HGF: variants seen among roughly 807,000 people sequenced by gnomAD.
HGF encodes the protein fibroblast-derived tumor cytotoxic factor.
A neutral mutation model predicts 111.6 loss-of-function variants in HGF; 39 were observed. That is an observed-to-expected ratio of 0.35 (90% CI 0.27 to 0.46). HGF has a LOEUF of 0.46. Ranked by LOEUF, HGF falls within the 20% of genes least tolerant of loss-of-function variation. The probability of loss-of-function intolerance (pLI) is 1.00; values close to 1 mark genes in which losing one functional copy is unlikely to be tolerated. For missense variants in HGF, 735 were observed against 910.5 expected (o/e 0.81, Z 2.48); for synonymous variants, 285 against 294.8 (o/e 0.97, Z 0.34).
intron 7 of HGF, among the ~76,000 whole-genome samples, chr7:81,733,162 G>C (rs1027570159): frequency 2.6e-5 from 4 of 151,756 alleles, no homozygotes; most frequent in Admixed American, 2.0e-4. Context: ...TAAAAAGTAT[G>C]TAAAATCATT....
rs1233097855 is a variant in HGF at position 81,701,586 on chromosome 7, ACTT to A, written c.*992_*994del. The A allele has an allele frequency of 6.6e-6, 1 of 151,564 alleles. No homozygotes were observed. The highest frequency in any genetic ancestry group is 1.5e-5 in the Non-Finnish European group (1 of 67,652). The allele number at this position is 151,564 out of a possible 1,614,324, so 9.4% of individuals were successfully genotyped here. On this transcript the variant is annotated 3_prime_UTR_variant, in exon 18 of 18. Transcript: ENST00000222390. Reference sequence around the variant, plus strand: ...TTTTTAATGACCAAAACACTTTTAAACTTCTTCAATTAGATACTGATCTGAGCA... The same window carrying A: ...TTTTTAATGACCAAAACACTTTTAAACTTCAATTAGATACTGATCTGAGCA...
At chr7:81,769,759 A>G (rs568461103) in intron 1 of HGF, 125 bp downstream of exon 1, 44 of 743,464 alleles carry the variant, frequency 5.9e-5, no homozygotes, top group Admixed American at 1.6e-4. Context: ...AGAAACCTAT[A>G]CTACATACTG....
intron 9 of HGF, among the ~76,000 whole-genome samples, chr7:81,725,379 A>G (rs945808867): frequency 6.6e-6 from 1 of 152,156 alleles, no homozygotes; most frequent in African/African-American, 2.4e-5. Flanking sequence ...TTCTTTATCT[A>G]GAATACTCTT....
intron 9 of HGF, among the ~76,000 whole-genome samples, chr7:81,725,569 G>A (rs1344582904): frequency 6.6e-6 from 1 of 152,062 alleles, no homozygotes; most frequent in Non-Finnish European, 1.5e-5. Flanking sequence ...ACAAACTACT[G>A]TAATATTCCC....
chr7:81,716,459 A>T (rs1212895328), intron 11 of HGF, among the ~76,000 whole-genome samples: 1 of 152,094 alleles, frequency 6.6e-6, no homozygotes, highest in Non-Finnish European at 1.5e-5. Flanking sequence ...TTATTTGCCA[A>T]CCTGACAGGT....
rs561644775 is a variant in HGF at position 81,762,378 on chromosome 7, A to T, written c.254+329T>A. On this transcript the variant is annotated intron_variant, in intron 2 of 17. Transcript: ENST00000222390. ...CTCCATTCCTCTTGCAAGGAAAAAA[A>T]AAGTTACTCTGAATAGATATTTTAA... 2.0e-5 allele frequency among the ~76,000 whole-genome samples: 3 copies of T among 152,346 alleles called. No individual in the cohort carries two copies. In the East Asian group the frequency reaches 5.8e-4, roughly 29 times the overall value.
At chr7:81,734,379 A>G (rs1385931271) in intron 7 of HGF, among the ~76,000 whole-genome samples, 1 of 152,168 alleles carries the variant, frequency 6.6e-6, no homozygotes, top group African/African-American at 2.4e-5. Context: ...AAATGCTTTA[A>G]GTAAAACAAC....
chr7:81,723,836 A>C (rs1462535440), intron 9 of HGF, among the ~76,000 whole-genome samples: 1 of 151,218 alleles, frequency 6.6e-6, no homozygotes, highest in Non-Finnish European at 1.5e-5. Flanking sequence ...ATATATATAC[A>C]CATATATATA....
At chr7:81,707,394 A>T in intron 13 of HGF, 30 bp from the exon 14 acceptor site, 1 of 1,334,410 alleles carries the variant, frequency 7.5e-7, no homozygotes, top group Non-Finnish European at 1.1e-6. Context: ...GAAACAAGTA[A>T]CATCTGTGCA....
At chr7:81,718,404 G>A (rs1339358531) in intron 10 of HGF, among the ~76,000 whole-genome samples, 1 of 152,112 alleles carries the variant, frequency 6.6e-6, no homozygotes, top group Admixed American at 6.6e-5. Flanking sequence ...AAACTAATTG[G>A]TGTAATGTCA....
rs1788906721 is a variant in HGF, at chr7:81,758,694, T to C, written c.365A>G (p.Lys122Arg). 1 of 1,561,742 alleles carries C rather than the reference T, an allele frequency of 6.4e-7. No homozygotes were observed. The highest frequency in any genetic ancestry group is 8.8e-7 in the Non-Finnish European group (1 of 1,132,960). The change falls in exon 3 of 18, where the codon AAA (lysine) becomes AGA (arginine). Residue 122 changes from lysine to arginine, a missense_variant and splice_region_variant. Physicochemically the swap from Lys to Arg is conservative, Grantham distance 26. This residue lies in a region of HGF where 553 missense variants were observed against 685.6 expected (regional missense o/e 0.81). Coordinates refer to ENST00000222390, the MANE Select transcript of HGF (RefSeq NM_000601.6). ...FGHEFDLYENKDYIRNCIIGK... is the reference protein window; with the variant it reads ...FGHEFDLYENRDYIRNCIIGK... ...ATATTTAGGGAGAAGTCAGTTACCT[T>C]TGTTTTCATAGAGGTCAAATTCATG... is the stretch of plus-strand genomic sequence containing the variant.
At chr7:81,705,942 G>A (rs1324337762) in intron 15 of HGF, among the ~76,000 whole-genome samples, 189 bp from the exon 16 acceptor site, 1 of 150,016 alleles carries the variant, frequency 6.7e-6, no homozygotes, top group African/African-American at 2.4e-5. Flanking sequence ...AAAGAAATGA[G>A]TCATGTATTT....
chr7:81,702,774 C>CA lies in HGF; in HGVS notation c.2011-18dup. Reference sequence around the variant, plus strand: ...ATAATCCCCCTAGGAGTAAGACATACAAAAACAAAGTATTATTAGGAATTA... The same window carrying CA: ...ATAATCCCCCTAGGAGTAAGACATACAAAAAACAAAGTATTATTAGGAATTA... On this transcript the variant is annotated splice_polypyrimidine_tract_variant and intron_variant, in intron 17 of 17. Coordinates refer to ENST00000222390, the MANE Select transcript of HGF (RefSeq NM_000601.6). 6.2e-7 allele frequency: 1 copy of CA among 1,603,208 alleles called. No homozygotes were observed. Among genetic ancestry groups the CA allele is most frequent in the Non-Finnish European group, 8.5e-7 (1 of 1,171,596 alleles).
chr7:81,752,301 G>A (rs370550669), intron 4 of HGF, 39 bp from the exon 5 acceptor site: 19 of 1,594,358 alleles, frequency 1.2e-5, no homozygotes, highest in African/African-American at 5.4e-5. Flanking sequence ...ATAAGAGCAT[G>A]CAACTTTTTT....
At chr7:81,743,861 T>C (rs1788111698) in intron 6 of HGF, among the ~76,000 whole-genome samples, 1 of 152,148 alleles carries the variant, frequency 6.6e-6, no homozygotes, top group African/African-American at 2.4e-5. Context: ...TCAGTTTCAA[T>C]AGCGCTGTTA....
intron 2 of HGF, among the ~76,000 whole-genome samples, chr7:81,762,463 A>G (rs564292524): frequency 6.6e-6 from 1 of 152,340 alleles, no homozygotes; most frequent in Admixed American, 6.5e-5. Flanking sequence ...ATCAGATGAG[A>G]AAACAAATTC....
At chr7:81,733,038 G>C (rs934333398) in intron 7 of HGF, among the ~76,000 whole-genome samples, 7 of 152,070 alleles carry the variant, frequency 4.6e-5, no homozygotes, top group Non-Finnish European at 1.0e-4. Context: ...AAATAGCAAT[G>C]ATATAAATCT....
intron 1 of HGF, among the ~76,000 whole-genome samples, chr7:81,767,964 G>T (rs182048253): frequency 6.6e-6 from 1 of 151,970 alleles, no homozygotes; most frequent in Admixed American, 6.6e-5. Context: ...AAACAAAGGC[G>T]CACCCTCCTT....
chr7:81,738,586 T>C (rs1399153185), intron 7 of HGF, among the ~76,000 whole-genome samples: 6 of 152,180 alleles, frequency 3.9e-5, no homozygotes, highest in African/African-American at 1.2e-4. Context: ...CATTAATTCT[T>C]TACTTTTAGT....
Sources: gnomAD v4.1 joint callset for allele counts (sites outside exome capture counted in the v4.1 genomes callset) on GRCh38, gnomAD v4.1.1 for gene constraint, gnomAD v4.1.1 regional missense constraint, MANE v1.5 for transcripts, NCBI Gene and HGNC (gene_info 2026-07-23, HGNC 2026-07-21) for gene names.